Variants in EDARADD observed in about 807,000 individuals in gnomAD.
The protein encoded by EDARADD is EDAR associated via death domain.
In EDARADD, 20 loss-of-function variants were observed where a neutral mutation model predicts 25.6. The ratio of observed to expected loss-of-function variants is 0.78; its 90% CI spans 0.55 to 1.14. EDARADD has a LOEUF of 1.14. EDARADD is among the 50% of genes most tolerant of loss of function. The pLI is 0.00. For synonymous variants in EDARADD, 86 were observed against 94.4 expected, an observed-to-expected ratio of 0.91 and a Z score of 0.52; for missense variants, 225 against 270.1, an observed-to-expected ratio of 0.83 and a Z score of 1.17.
intron 4 of EDARADD, among the ~76,000 whole-genome samples, chr1:236,442,815 G>T (rs1282681308): frequency 6.6e-6 from 1 of 152,202 alleles, no homozygotes; most frequent in Non-Finnish European, 1.5e-5. Flanking sequence ...GGAAATTAAT[G>T]TTGTTTTCAT....
chr1:236,450,876 T>C (rs10925131), intron 4 of EDARADD, among the ~76,000 whole-genome samples: 18,901 of 152,056 alleles, frequency 0.12, 2,539 homozygotes, highest in African/African-American at 0.33. Flanking sequence ...AAAATGACCT[T>C]ATGCAGAATG....
intron 3 of EDARADD, among the ~76,000 whole-genome samples, chr1:236,380,729 G>T (rs777504422): frequency 2.6e-5 from 4 of 152,026 alleles, no homozygotes; most frequent in Admixed American, 1.3e-4. Flanking sequence ...TTTGTTTGTT[G>T]TAGAAATGGG....
chr1:236,436,213 A>C (rs1658246176), intron 4 of EDARADD, among the ~76,000 whole-genome samples: 2 of 151,226 alleles, frequency 1.3e-5, no homozygotes, highest in African/African-American at 4.9e-5. Context: ...GCTGGAGTGC[A>C]GTGGTGTGAT....
At chr1:236,352,182 C>G (rs1460369758) in intron 3 of EDARADD, among the ~76,000 whole-genome samples, 2 of 152,160 alleles carry the variant, frequency 1.3e-5, no homozygotes, top group Non-Finnish European at 1.5e-5. Flanking sequence ...CTAGAATATT[C>G]TATTCTCCTA....
chr1:236,457,025 C>G (rs952655413), intron 4 of EDARADD, among the ~76,000 whole-genome samples: 11 of 152,086 alleles, frequency 7.2e-5, no homozygotes, highest in Non-Finnish European at 1.3e-4. Context: ...TTTCCCACTG[C>G]CAGTTCCTGC....
intron 5 of EDARADD, among the ~76,000 whole-genome samples, chr1:236,475,025 C>G (rs140333731): frequency 6.6e-6 from 1 of 151,980 alleles, no homozygotes; most frequent in African/African-American, 2.4e-5. Context: ...CCCAGCTACT[C>G]GGGAGGGTGA....
rs527581301 is a variant in EDARADD at position 236,476,311 on chromosome 1, C to T, written c.266-5956C>T. On this transcript the variant is annotated intron_variant, in intron 5 of 5. Transcript: ENST00000334232. The stretch of plus-strand genomic sequence containing the variant: ...AACACTGAATCTTACAAAGATAAGA[C>T]AAGAAAGGGACCTTCAGACACCATT... Among the ~76,000 whole-genome samples the T allele has an allele frequency of 5.9e-5, 9 of 152,176 alleles. No homozygotes were observed. The South Asian group carries it at 1.9e-3, about 32-fold the overall frequency.
At chr1:236,402,438 T>TA (rs1343027708) in intron 1 of EDARADD, among the ~76,000 whole-genome samples, 9 of 152,274 alleles carry the variant, frequency 5.9e-5, no homozygotes, top group Admixed American at 2.0e-4. Flanking sequence ...CACATGTCTT[T>TA]AGTCCTAGCT....
At chr1:236,447,500 G>C (rs1335323645) in intron 4 of EDARADD, among the ~76,000 whole-genome samples, 2 of 151,874 alleles carry the variant, frequency 1.3e-5, no homozygotes, top group Non-Finnish European at 2.9e-5. Context: ...CCCTTCATTT[G>C]CATGTCCTCC....
chr1:236,421,612 C>T (rs944621835), intron 3 of EDARADD, among the ~76,000 whole-genome samples: 7 of 151,282 alleles, frequency 4.6e-5, no homozygotes, highest in Non-Finnish European at 7.4e-5. Flanking sequence ...ATTCTCCTGC[C>T]GCAGCCTCCT....
chr1:236,378,738 C>T (rs1667256210), intron 3 of EDARADD, among the ~76,000 whole-genome samples: 1 of 152,178 alleles, frequency 6.6e-6, no homozygotes, highest in South Asian at 2.1e-4. Context: ...AACCACTCTA[C>T]AACTTCAACC....
At chr1:236,385,131 G>A (rs576126211) in intron 3 of EDARADD, among the ~76,000 whole-genome samples, 14 of 136,340 alleles carry the variant, frequency 1.0e-4, no homozygotes, top group Admixed American at 3.9e-4. Flanking sequence ...CTTCCTGGCC[G>A]GGCGCGGTAG....
intron 3 of EDARADD, among the ~76,000 whole-genome samples, chr1:236,420,090 G>A (rs1335883956): frequency 6.6e-6 from 1 of 152,168 alleles, no homozygotes; most frequent in Non-Finnish European, 1.5e-5. Flanking sequence ...AGTGGCTGAG[G>A]CACGAGAATC....
chr1:236,403,566 T>C (rs868799398), intron 1 of EDARADD, among the ~76,000 whole-genome samples: 1 of 152,094 alleles, frequency 6.6e-6, no homozygotes, highest in Middle Eastern at 3.2e-3. Context: ...GGATTACAGG[T>C]GTGAGCCACC....
intron 3 of EDARADD, among the ~76,000 whole-genome samples, chr1:236,362,987 GAAAAAAAAAAA>G (rs577963160): frequency 3.4e-5 from 1 of 29,556 alleles, no homozygotes; most frequent in African/African-American, 1.6e-4. Context: ...CTTTTTTTAA[GAAAAAAAAAAA>G]AAAAAAAAAT....
At chr1:236,436,446 G>A (rs1658253829) in intron 4 of EDARADD, among the ~76,000 whole-genome samples, 1 of 151,850 alleles carries the variant, frequency 6.6e-6, no homozygotes, top group Non-Finnish European at 1.5e-5. Flanking sequence ...ACAGGCGTGA[G>A]CCACTGCACC....
At chr1:236,457,714 G>A (rs190813985) in intron 4 of EDARADD, among the ~76,000 whole-genome samples, 6 of 151,676 alleles carry the variant, frequency 4.0e-5, no homozygotes, top group African/African-American at 1.2e-4. Context: ...AACTACTCAG[G>A]AGGCTGAGGC....
intron 3 of EDARADD, among the ~76,000 whole-genome samples, chr1:236,355,504 T>C (rs1666963948): frequency 2.3e-5 from 3 of 128,198 alleles, no homozygotes; most frequent in African/African-American, 6.0e-5. Flanking sequence ...CTTCTTCTTT[T>C]TTTTTTTTTT....
chr1:236,390,606 T>C (rs932443375), upstream of EDARADD, among the ~76,000 whole-genome samples: 2 of 152,056 alleles, frequency 1.3e-5, no homozygotes, highest in Non-Finnish European at 2.9e-5. Context: ...CCCAATAACG[T>C]ATGGAAAAAA....
Sources: allele counts gnomAD v4.1 joint callset (sites outside exome capture counted in the v4.1 genomes callset), GRCh38; gene constraint gnomAD v4.1.1; transcripts MANE v1.5; gene names NCBI Gene and HGNC (gene_info 2026-07-23, HGNC 2026-07-21).